The following RAP1GDS1 variants were observed in gnomAD, a reference collection of about 807,000 sequenced individuals.
The protein encoded by RAP1GDS1 is Rap1 GTPase-GDP dissociation stimulator 1.
In RAP1GDS1, 35 loss-of-function variants were observed where a neutral mutation model predicts 71.1. That is an observed-to-expected ratio of 0.49 (90% CI 0.38 to 0.65). The LOEUF (loss-of-function observed/expected upper bound fraction) is 0.65. Among genes scored for constraint, RAP1GDS1 ranks in the 30% least tolerant of loss-of-function variants. The pLI, the probability that RAP1GDS1 is intolerant of heterozygous loss-of-function variation, is 0.00. For synonymous variants in RAP1GDS1, 229 were observed against 243.1 expected (o/e 0.94, Z 0.54); for missense variants, 663 against 706.1 (o/e 0.94, Z 0.69).
intron 2 of RAP1GDS1, among the ~76,000 whole-genome samples, chr4:98,312,730 G>GATGTATAGAT (rs1730408783): frequency 6.6e-6 from 1 of 150,956 alleles, no homozygotes; most frequent in Admixed American, 6.6e-5. Context: ...TAGATGTATA[G>GATGTATAGAT]ATATATATAT....
chr4:98,350,564 G>A (rs756033703), intron 3 of RAP1GDS1, among the ~76,000 whole-genome samples: 4 of 152,130 alleles, frequency 2.6e-5, no homozygotes, highest in Non-Finnish European at 4.4e-5. Flanking sequence ...AATTGGCCGG[G>A]CGTGGTGGCT....
At chr4:98,387,395 CAG>C (rs778298326) in intron 5 of RAP1GDS1, 1 of 455,156 alleles carries the variant, frequency 2.2e-6, no homozygotes, top group Non-Finnish European at 4.4e-6. Context: ...ACTTAAAACT[CAG>C]GGGGGAAAAG....
At chr4:98,408,279 A>G (rs559134999) in intron 7 of RAP1GDS1, among the ~76,000 whole-genome samples, 4 of 151,956 alleles carry the variant, frequency 2.6e-5, no homozygotes, top group Admixed American at 6.5e-5. Context: ...GGCGCCTCCT[A>G]CCACGCCTGG....
chr4:98,330,208 T>C (rs972919863), intron 2 of RAP1GDS1, among the ~76,000 whole-genome samples: 4 of 152,254 alleles, frequency 2.6e-5, no homozygotes, highest in African/African-American at 9.6e-5. Context: ...TGGAGTCTCC[T>C]ATGTCTACTT....
At chr4:98,363,044 G>A (rs1738978729) in intron 4 of RAP1GDS1, among the ~76,000 whole-genome samples, 1 of 152,100 alleles carries the variant, frequency 6.6e-6, no homozygotes, top group Non-Finnish European at 1.5e-5. Flanking sequence ...AGATTGTGAT[G>A]ACTGACATCA....
intron 1 of RAP1GDS1, among the ~76,000 whole-genome samples, chr4:98,280,580 G>A (rs1297227407): frequency 2.0e-5 from 3 of 152,140 alleles, no homozygotes; most frequent in Non-Finnish European, 2.9e-5. Flanking sequence ...TCTGATGGTA[G>A]TTTCTTTTGC....
At chr4:98,354,153 C>T (rs542706307) in intron 4 of RAP1GDS1, among the ~76,000 whole-genome samples, 1 of 150,388 alleles carries the variant, frequency 6.6e-6, no homozygotes, top group South Asian at 2.1e-4. Flanking sequence ...AGCTCCGCTT[C>T]CCGGGTTCAC....
At chr4:98,282,443 A>T (rs527949776) in intron 1 of RAP1GDS1, among the ~76,000 whole-genome samples, 13 of 152,020 alleles carry the variant, frequency 8.6e-5, no homozygotes, top group African/African-American at 4.8e-5. Flanking sequence ...TTTCTGTGGG[A>T]TCGGTGGTGA....
At chr4:98,292,550 A>G (rs1292338056) in intron 1 of RAP1GDS1, among the ~76,000 whole-genome samples, 9 of 150,630 alleles carry the variant, frequency 6.0e-5, no homozygotes, top group Non-Finnish European at 1.3e-4. Flanking sequence ...TGTAAGCCAG[A>G]ACTTAAAGTA....
At chr4:98,427,810 T>C (rs1360592972) in intron 12 of RAP1GDS1, among the ~76,000 whole-genome samples, 1 of 152,052 alleles carries the variant, frequency 6.6e-6, no homozygotes, top group Admixed American at 6.6e-5. Context: ...AAATTCGATG[T>C]AGGTCCCATT....
intron 2 of RAP1GDS1, among the ~76,000 whole-genome samples, chr4:98,331,079 G>A (rs534699417): frequency 7.2e-5 from 11 of 152,316 alleles, no homozygotes; most frequent in East Asian, 3.9e-4. Flanking sequence ...GCAGATACTC[G>A]AGGTCAGGAG....
rs2110185341 is a variant in RAP1GDS1 at position 98,417,432 on chromosome 4, A to T, written c.973A>T (p.Ile325Phe). Reference sequence around the variant, plus strand: ...TGTATTTCAAAGGGTACTCTCTTGGATCCCATCAAATAACCACCAGCTACA... The same window carrying T: ...TGTATTTCAAAGGGTACTCTCTTGGTTCCCATCAAATAACCACCAGCTACA... ...GSVFQRVLSW[I>F]PSNNHQLQLA... is the part of the protein sequence containing the mutation. Residue 325 changes from isoleucine to phenylalanine, a missense_variant, in exon 9 of 15, where the codon ATC becomes TTC. Coordinates refer to ENST00000408927, the MANE Select transcript of RAP1GDS1 (RefSeq NM_001100427.2). 6.2e-7 allele frequency: 1 copy of T among 1,613,688 alleles called. No homozygotes were observed. The highest frequency in any genetic ancestry group is 2.2e-5 in the East Asian group (1 of 44,828).
chr4:98,415,654 A>G (rs1368195168), intron 7 of RAP1GDS1, among the ~76,000 whole-genome samples: 2 of 152,176 alleles, frequency 1.3e-5, no homozygotes, highest in Admixed American at 6.5e-5. Flanking sequence ...AGTATAATAA[A>G]AAGTGTTGAT....
At chr4:98,368,380 C>T (rs1212286996) in intron 4 of RAP1GDS1, among the ~76,000 whole-genome samples, 2 of 152,190 alleles carry the variant, frequency 1.3e-5, no homozygotes, top group Non-Finnish European at 2.9e-5. Flanking sequence ...ATTACCTCAT[C>T]TTGGTTAACT....
intron 3 of RAP1GDS1, among the ~76,000 whole-genome samples, chr4:98,350,079 A>T (rs6837808): frequency 2.3e-3 from 351 of 152,098 alleles, no homozygotes; most frequent in African/African-American, 8.2e-3. Context: ...TGATTCCACA[A>T]TTTTTCTGTA....
intron 12 of RAP1GDS1, among the ~76,000 whole-genome samples, chr4:98,431,152 A>C (rs891154743): frequency 2.0e-5 from 3 of 152,370 alleles, no homozygotes; most frequent in Middle Eastern, 3.4e-3. Context: ...ATCAGTTACC[A>C]GGCTAAAAAC....
rs991671010 is a variant in RAP1GDS1, at chr4:98,385,350, G to A, written c.508+6187G>A. 4.6e-5 allele frequency among the ~76,000 whole-genome samples: 7 copies of A among 151,854 alleles called. No individual in the cohort carries two copies. In the South Asian group the frequency reaches 1.4e-3, roughly 31 times the overall value. ...TATACTAGTTGAAATATGATGATAT[G>A]AGGCACATAATCATTGATCATGCAC... On this transcript the variant is annotated intron_variant, in intron 5 of 14. Transcript: ENST00000408927.
intron 4 of RAP1GDS1, among the ~76,000 whole-genome samples, chr4:98,361,064 G>A (rs1427593804): frequency 1.4e-5 from 2 of 144,356 alleles, no homozygotes; most frequent in Non-Finnish European, 3.0e-5. Context: ...GTGACGGAGT[G>A]AGACTCTGTC....
chr4:98,359,671 C>T lies in RAP1GDS1; in HGVS notation c.361+7070C>T, dbSNP rs1184584102. On this transcript the variant is annotated intron_variant, in intron 4 of 14. Transcript: ENST00000408927. ...TGTGCATCCATTAATGTATAGTGTG[C>T]TTAAAATGTCTATAGGCTAAGGAAT... is the stretch of plus-strand genomic sequence containing the variant. Among the ~76,000 whole-genome samples, 4 of 152,100 alleles carry T rather than the reference C, an allele frequency of 2.6e-5. 1 individual carries two copies. The highest frequency in any genetic ancestry group is 7.2e-5 in the African/African-American group (3 of 41,408).
Sources: allele counts gnomAD v4.1 joint callset (sites outside exome capture counted in the v4.1 genomes callset), GRCh38; gene constraint gnomAD v4.1.1; transcripts MANE v1.5; gene names NCBI Gene and HGNC (gene_info 2026-07-23, HGNC 2026-07-21).